Variants in GUSB observed in about 807,000 individuals in gnomAD.
GUSB encodes beta-glucuronidase.
GUSB carries 51 observed loss-of-function variants against 74.6 expected under a neutral mutation model. The observed-to-expected ratio is 0.68, with a 90% CI of 0.55 to 0.86. The LOEUF (loss-of-function observed/expected upper bound fraction) is 0.86. GUSB is among the 40% of genes least tolerant of loss of function. The probability of loss-of-function intolerance (pLI) is 0.00; values close to 1 mark genes in which losing one functional copy is unlikely to be tolerated. For synonymous variants in GUSB, 360 were observed against 348.3 expected (o/e 1.03, Z -0.37); for missense variants, 736 against 853.7 (o/e 0.86, Z 1.72).
intron 8 of GUSB, among the ~76,000 whole-genome samples, chr7:65,973,273 T>C (rs1005513783): frequency 1.3e-5 from 2 of 151,736 alleles, no homozygotes; most frequent in Non-Finnish European, 2.9e-5. Context: ...CCCAACATAG[T>C]GAAACCCCGT....
chr7:65,978,530 G>C (rs544916859), intron 4 of GUSB, among the ~76,000 whole-genome samples: 5 of 152,214 alleles, frequency 3.3e-5, no homozygotes, highest in African/African-American at 1.2e-4. Flanking sequence ...CATTTTGGCA[G>C]GCCGAGGAGG....
At chr7:65,979,070 C>T (rs554281601) in intron 4 of GUSB, among the ~76,000 whole-genome samples, 1 of 152,062 alleles carries the variant, frequency 6.6e-6, no homozygotes, top group Non-Finnish European at 1.5e-5. Context: ...TGCCCGGCGC[C>T]CCCCCCACCG....
At chr7:65,972,199 T>C (rs1791258233) in intron 8 of GUSB, among the ~76,000 whole-genome samples, 1 of 152,112 alleles carries the variant, frequency 6.6e-6, no homozygotes, top group Non-Finnish European at 1.5e-5. Flanking sequence ...TCTCACTCTG[T>C]AGCCCAGGCT....
chr7:65,961,828 C>A lies in GUSB; in HGVS notation c.1790-765G>T, dbSNP rs188867339. Among the ~76,000 whole-genome samples, 92 of 152,208 alleles carry A rather than the reference C, an allele frequency of 6.0e-4. 1 individual carries two copies. Among genetic ancestry groups the A allele is most frequent in the African/African-American group, 2.2e-3 (91 of 41,522 alleles). Reference sequence around the variant, plus strand: ...ACCAGCCTGGACAATATGGTGAAACCTCATCTCTACTAAAAATACAAAAAT... The same window carrying A: ...ACCAGCCTGGACAATATGGTGAAACATCATCTCTACTAAAAATACAAAAAT... On this transcript the variant is annotated intron_variant, in intron 11 of 11. Coordinates refer to ENST00000304895, the MANE Select transcript of GUSB (RefSeq NM_000181.4).
At chr7:65,977,771 C>T (rs35820085) in intron 4 of GUSB, among the ~76,000 whole-genome samples, 16,591 of 151,752 alleles carry the variant, frequency 0.11, 1,057 homozygotes, top group South Asian at 0.19. Flanking sequence ...GGCCACAGTG[C>T]AAGCCTCATC....
In GUSB at chr7:65,967,888, A is replaced by G; in HGVS notation, c.1496T>C (p.Ile499Thr). The change falls in exon 10 of 12, where the codon ATC (isoleucine) becomes ACC (threonine). Residue 499 changes from isoleucine (I) to threonine (T), a missense_variant. Physicochemically the swap from Ile to Thr is moderately conservative, Grantham distance 89 (BLOSUM62 -1). Around this residue, in one of 2 missense-constraint regions of GUSB, gnomAD observed 368 missense variants for 489.9 expected, o/e 0.75. Transcript: ENST00000304895. ...ADKGAPYVDV[I>T]CLNSYYSWYH... Reference sequence around the variant, plus strand: ...CCAAGAGTAGTAGCTGTTCAAACAGATCACATCCACATACGGAGCCTAGGA... The same window carrying G: ...CCAAGAGTAGTAGCTGTTCAAACAGGTCACATCCACATACGGAGCCTAGGA... The G allele has an allele frequency of 6.2e-7, 1 of 1,601,698 alleles. No individual in the cohort carries two copies. Among genetic ancestry groups the G allele is most frequent in the Non-Finnish European group, 8.5e-7 (1 of 1,179,846 alleles).
At chr7:65,962,298 G>A (rs890888774) in intron 11 of GUSB, among the ~76,000 whole-genome samples, 4 of 152,168 alleles carry the variant, frequency 2.6e-5, no homozygotes, top group Non-Finnish European at 5.9e-5. Flanking sequence ...CCTGGTGGAG[G>A]AGCACAGCTG....
At chr7:65,962,644 G>A (rs1790572044) in intron 11 of GUSB, among the ~76,000 whole-genome samples, 1 of 152,058 alleles carries the variant, frequency 6.6e-6, no homozygotes, top group Non-Finnish European at 1.5e-5. Flanking sequence ...AGGCCCAGAT[G>A]TGCGGATCAC....
chr7:65,979,583 G>A lies in GUSB; in HGVS notation c.582-42C>T, dbSNP rs765503564. ...GTGGTTTGCTGGGCCCTTGCTCTGG[G>A]TCCCCTGACCTCAGCTCACAGGCCT... On this transcript the variant is annotated intron_variant, in intron 3 of 11. Coordinates refer to ENST00000304895, the MANE Select transcript of GUSB (RefSeq NM_000181.4). The A allele has an allele frequency of 1.9e-6, 3 of 1,612,834 alleles. No homozygotes were observed. In the East Asian group the frequency reaches 6.7e-5, roughly 36 times the overall value.
intron 1 of GUSB, 116 bp downstream of exon 1, chr7:65,981,858 C>T (rs962629762): frequency 1.8e-5 from 17 of 949,730 alleles, no homozygotes; most frequent in Admixed American, 2.6e-5. Context: ...GACCTTTAAC[C>T]TCCTGCGGGC....
chr7:65,976,325 TTTC>T (rs367942939), intron 4 of GUSB, 123 bp from the exon 5 acceptor site: 9 of 710,394 alleles, frequency 1.3e-5, no homozygotes, highest in African/African-American at 5.4e-5. Context: ...TTAAATTTAA[TTTC>T]TTATTTTTTT....
At chr7:65,969,726 A>G (rs1026665762) in intron 9 of GUSB, among the ~76,000 whole-genome samples, 8 of 152,194 alleles carry the variant, frequency 5.3e-5, no homozygotes, top group African/African-American at 1.9e-4. Context: ...CTCAAGTTCC[A>G]ACCCTGGACG....
At chr7:65,974,857 G>A in intron 6 of GUSB, 62 bp downstream of exon 6, 5 of 1,587,104 alleles carry the variant, frequency 3.2e-6, no homozygotes, top group Non-Finnish European at 4.3e-6. Flanking sequence ...AGGACACAGG[G>A]AAGGCGAAAG....
intron 9 of GUSB, 28 bp from the exon 10 acceptor site, chr7:65,967,935 A>G (rs759358076): frequency 1.5e-5 from 23 of 1,584,878 alleles, no homozygotes; most frequent in Admixed American, 3.3e-5. Context: ...GAGCCCGTTC[A>G]GCACTCAGTA....
chr7:65,976,178 A>C lies in GUSB; in HGVS notation c.749T>G (p.Val250Gly), dbSNP rs761355885. ...CAACTTGAACAGGTTACTGCCCTTG[A>C]CAGAGATCTGGTAATTCACCAGCCC... The part of the protein sequence containing the change: ...DSGLVNYQIS[V>G]KGSNLFKLEV... The change falls in exon 5 of 12, where the codon GTC becomes GGC. Residue 250 changes from valine (V) to glycine (G), a missense_variant. By Grantham distance (109) the Val-to-Gly change is moderately radical (BLOSUM62 -3). Around this residue, in one of 2 missense-constraint regions of GUSB, gnomAD observed 368 missense variants for 363.8 expected, o/e 1.01. Transcript: ENST00000304895. 7 of 1,613,056 alleles carry C rather than the reference A, an allele frequency of 4.3e-6. No individual in the cohort carries two copies. The African/African-American group carries it at 9.3e-5, about 22-fold the overall frequency.
At chr7:65,974,821 C>T in intron 6 of GUSB, 98 bp downstream of exon 6, 2 of 1,555,986 alleles carry the variant, frequency 1.3e-6, no homozygotes, top group Non-Finnish European at 8.9e-7. Context: ...CCATTTGCCT[C>T]ATTGCCCTGA....
chr7:65,980,185 G>GCC, intron 2 of GUSB, 39 bp downstream of exon 2: 2 of 725,274 alleles, frequency 2.8e-6, no homozygotes, highest in South Asian at 3.0e-5. Flanking sequence ...CAGCAGCCGT[G>GCC]CCCCCCCACC....
chr7:65,980,734 G>A, intron 1 of GUSB: 6 of 415,550 alleles, frequency 1.4e-5, no homozygotes, highest in South Asian at 8.5e-5. Context: ...GTCACAGGGA[G>A]GAAGGCTGGT....
At chr7:65,973,258 C>A (rs1220175160) in intron 8 of GUSB, among the ~76,000 whole-genome samples, 4 of 152,004 alleles carry the variant, frequency 2.6e-5, no homozygotes, top group African/African-American at 9.7e-5. Context: ...CCAAGACCAG[C>A]CTGGCCCAAC....
Sources: allele counts gnomAD v4.1 joint callset (sites outside exome capture counted in the v4.1 genomes callset), GRCh38; gene constraint gnomAD v4.1.1; regional missense constraint gnomAD v4.1.1; transcripts MANE v1.5; gene names NCBI Gene and HGNC (gene_info 2026-07-23, HGNC 2026-07-21).